Variants in CDC42SE2 observed in about 807,000 individuals in gnomAD.
CDC42SE2 encodes CDC42 small effector protein 2.
In CDC42SE2, 3 loss-of-function variants were observed where a neutral mutation model predicts 11.5. That is an observed-to-expected ratio of 0.26 (90% CI 0.12 to 0.67). The LOEUF (loss-of-function observed/expected upper bound fraction) is 0.67. Ranked by LOEUF, CDC42SE2 falls within the 30% of genes least tolerant of loss-of-function variation. The pLI is 0.80. For synonymous variants in CDC42SE2, 33 were observed against 34.8 expected (o/e 0.95, Z 0.18); for missense variants, 82 against 106.8 (o/e 0.77, Z 1.02).
At chr5:131,316,834 G>C (rs566807445) in intron 2 of CDC42SE2, among the ~76,000 whole-genome samples, 3 of 152,238 alleles carry the variant, frequency 2.0e-5, no homozygotes, top group Admixed American at 6.5e-5. Context: ...TTTGCCTTGA[G>C]ATTTCCTGTT....
In CDC42SE2 at chr5:131,297,053, T is replaced by C. The variant is rs962776710; in HGVS notation, c.-454-18923T>C. 6.6e-5 allele frequency among the ~76,000 whole-genome samples: 10 copies of C among 152,214 alleles called. 1 individual carries two copies. The South Asian group carries it at 1.9e-3, about 28-fold the overall frequency. ...GTTGTAAAATAAAAGTATGGAGATA[T>C]AAATAGTAGTGAGTTAAAGATGACA... On this transcript the variant is annotated intron_variant, in intron 1 of 4. Coordinates refer to ENST00000505065, the MANE Select transcript of CDC42SE2 (RefSeq NM_001375635.1).
the CDC42SE2 span, among the ~76,000 whole-genome samples, chr5:131,213,142 G>A: frequency 0.035 from 5,251 of 152,200 alleles, 296 homozygotes; most frequent in African/African-American, 0.12. Context: ...GCAGTGGGCC[G>A]AGCTCGTGCC....
the CDC42SE2 span, among the ~76,000 whole-genome samples, chr5:131,225,435 T>C: frequency 1.3e-5 from 2 of 152,212 alleles, no homozygotes; most frequent in African/African-American, 4.8e-5. Flanking sequence ...TCAAGATTTC[T>C]GAAAAACAAA....
chr5:131,212,335 T>G, the CDC42SE2 span, among the ~76,000 whole-genome samples: 1 of 152,196 alleles, frequency 6.6e-6, no homozygotes, highest in African/African-American at 2.4e-5. Flanking sequence ...CTCGAACTCC[T>G]GACCTCAGGT....
intron 2 of CDC42SE2, among the ~76,000 whole-genome samples, chr5:131,329,879 C>CAGAAAA (rs1758380518): frequency 1.8e-5 from 1 of 56,618 alleles, no homozygotes; most frequent in Non-Finnish European, 4.0e-5. Context: ...AACTCCATCT[C>CAGAAAA]AAAAAAAAAA....
At chr5:131,297,151 T>G (rs575897516) in intron 1 of CDC42SE2, among the ~76,000 whole-genome samples, 1 of 82,592 alleles carries the variant, frequency 1.2e-5, no homozygotes, top group Non-Finnish European at 2.5e-5. Flanking sequence ...TTAAATACTT[T>G]ATATTCTTTT....
At chr5:131,377,661 T>C in intron 3 of CDC42SE2, among the ~76,000 whole-genome samples, 1 of 152,222 alleles carries the variant, frequency 6.6e-6, no homozygotes, top group East Asian at 1.9e-4. Flanking sequence ...CCAGGGATTC[T>C]GATGTACACT....
chr5:131,282,676 T>G (rs1237838842), intron 1 of CDC42SE2, among the ~76,000 whole-genome samples: 2 of 152,150 alleles, frequency 1.3e-5, no homozygotes, highest in Admixed American at 6.5e-5. Flanking sequence ...TCACCTAGGC[T>G]GGAGTGCAGT....
chr5:131,224,198 A>G, the CDC42SE2 span, among the ~76,000 whole-genome samples: 78 of 152,092 alleles, frequency 5.1e-4, no homozygotes, highest in Non-Finnish European at 2.9e-5. Context: ...TGCCACCTCT[A>G]ATCTGAAAAC....
chr5:131,356,047 A>G (rs1395630588), intron 2 of CDC42SE2, among the ~76,000 whole-genome samples: 1 of 152,212 alleles, frequency 6.6e-6, no homozygotes, highest in Middle Eastern at 3.2e-3. Flanking sequence ...TTAATGACCA[A>G]GTTCCATGAT....
chr5:131,226,759 T>C, the CDC42SE2 span, among the ~76,000 whole-genome samples: 2,469 of 152,342 alleles, frequency 0.016, 47 homozygotes, highest in African/African-American at 0.047. Context: ...TATCCAATTC[T>C]GGCATGTTTA....
chr5:131,379,738 A>C (rs1750262917), intron 3 of CDC42SE2, among the ~76,000 whole-genome samples: 1 of 152,206 alleles, frequency 6.6e-6, no homozygotes, highest in Non-Finnish European at 1.5e-5. Flanking sequence ...TTAAGGATGC[A>C]AGGATTATTC....
chr5:131,257,975 G>C (rs1756691775), intron 2 of CDC42SE2, among the ~76,000 whole-genome samples: 1 of 152,114 alleles, frequency 6.6e-6, no homozygotes, highest in Non-Finnish European at 1.5e-5. Context: ...TCAAGATACG[G>C]GGAGAAGTAT....
upstream of CDC42SE2, among the ~76,000 whole-genome samples, chr5:131,263,265 T>A (rs1393001365): frequency 6.6e-6 from 1 of 152,140 alleles, no homozygotes; most frequent in Non-Finnish European, 1.5e-5. Flanking sequence ...CTAGAAATCC[T>A]CGCCATCAAC....
intron 2 of CDC42SE2, among the ~76,000 whole-genome samples, chr5:131,356,621 G>C (rs1749556353): frequency 6.6e-6 from 1 of 152,178 alleles, no homozygotes; most frequent in African/African-American, 2.4e-5. Context: ...TGTAGCAATA[G>C]AAGTTATTGT....
chr5:131,277,717 A>G (rs1303076913), intron 1 of CDC42SE2, among the ~76,000 whole-genome samples: 2 of 152,088 alleles, frequency 1.3e-5, no homozygotes, highest in Non-Finnish European at 2.9e-5. Flanking sequence ...GATGTTTTTT[A>G]GCCTGGCCCT....
chr5:131,310,390 G>A (rs1480729681), intron 1 of CDC42SE2, among the ~76,000 whole-genome samples: 1 of 151,702 alleles, frequency 6.6e-6, no homozygotes, highest in African/African-American at 2.4e-5. Flanking sequence ...TTTGGAATAG[G>A]TGTGGTGTGG....
At chr5:131,379,470 ATATAG>A (rs1479213637) in intron 3 of CDC42SE2, among the ~76,000 whole-genome samples, 1 of 152,246 alleles carries the variant, frequency 6.6e-6, no homozygotes, top group African/African-American at 2.4e-5. Flanking sequence ...AGGGAGGTAG[ATATAG>A]TATGGTTATA....
chr5:131,213,371 G>T, the CDC42SE2 span, among the ~76,000 whole-genome samples: 5 of 152,068 alleles, frequency 3.3e-5, no homozygotes, highest in African/African-American at 7.2e-5. Context: ...TGTGGGTAGG[G>T]TTCTATTAAC....
Sources: allele counts gnomAD v4.1 joint callset (sites outside exome capture counted in the v4.1 genomes callset), GRCh38; gene constraint gnomAD v4.1.1; transcripts MANE v1.5; gene names NCBI Gene and HGNC (gene_info 2026-07-23, HGNC 2026-07-21).